Variants in CCDC33 observed in about 807,000 individuals in gnomAD.
CCDC33 encodes the protein coiled-coil domain containing 33.
CCDC33 carries 94 observed loss-of-function variants against 91.9 expected under a neutral mutation model. That is an observed-to-expected ratio of 1.02 (90% CI 0.87 to 1.21). CCDC33 has a LOEUF of 1.21. Among genes scored for constraint, CCDC33 ranks in the 50% most tolerant of loss-of-function variants. CCDC33 has a pLI of 0.00. For synonymous variants in CCDC33, 396 were observed against 374.5 expected (o/e 1.06, Z -0.66); for missense variants, 940 against 935.5 (o/e 1.00, Z -0.06).
At chr15:74,220,267 G>T (rs528986770) in intron 2 of CCDC33, among the ~76,000 whole-genome samples, 15 of 152,170 alleles carry the variant, frequency 9.9e-5, no homozygotes, top group Non-Finnish European at 1.9e-4. Flanking sequence ...TGTTGACATG[G>T]CCCACTATGG....
At chr15:74,260,788 G>A (rs1475264737) in intron 2 of CCDC33, among the ~76,000 whole-genome samples, 1 of 152,200 alleles carries the variant, frequency 6.6e-6, no homozygotes, top group Non-Finnish European at 1.5e-5. Context: ...TCACGCCACG[G>A]CAAAGGGGCT....
chr15:74,299,449 G>A (rs925576781), intron 11 of CCDC33: 2 of 152,304 alleles, frequency 1.3e-5, no homozygotes, highest in African/African-American at 4.8e-5. Flanking sequence ...ATGCTTTTTG[G>A]GCAATGGAAT....
At chr15:74,255,456 C>A (rs1223876067) in intron 2 of CCDC33, among the ~76,000 whole-genome samples, 2 of 152,234 alleles carry the variant, frequency 1.3e-5, no homozygotes, top group Non-Finnish European at 2.9e-5. Context: ...CCTACCCCTT[C>A]CCTGTTCCCA....
chr15:74,256,207 A>G (rs2075857361), intron 2 of CCDC33, among the ~76,000 whole-genome samples: 1 of 152,184 alleles, frequency 6.6e-6, no homozygotes, highest in South Asian at 2.1e-4. Context: ...CGCCAGCACT[A>G]GGGTATCGGA....
chr15:74,280,867 C>T (rs992082146), intron 9 of CCDC33, 66 bp downstream of exon 9: 1 of 1,354,096 alleles, frequency 7.4e-7, no homozygotes, highest in Non-Finnish European at 9.6e-7. Flanking sequence ...CTCACCCTGC[C>T]CCACCTCACC....
At chr15:74,256,460 C>A (rs1940257455) in intron 2 of CCDC33, among the ~76,000 whole-genome samples, 2 of 152,158 alleles carry the variant, frequency 1.3e-5, no homozygotes, top group South Asian at 2.1e-4. Context: ...AGTGACCGAA[C>A]CATTGAGAGG....
At chr15:74,230,685 G>A (rs912820738) in intron 2 of CCDC33, among the ~76,000 whole-genome samples, 2 of 152,170 alleles carry the variant, frequency 1.3e-5, no homozygotes, top group African/African-American at 4.8e-5. Context: ...TGGGCCAGAG[G>A]TGCTCCATCT....
Position 74,316,083 on chromosome 15 carries a change from T to A in CCDC33, c.1291-14106T>A, listed in dbSNP as rs978508726. 1.3e-5 allele frequency among the ~76,000 whole-genome samples: 2 copies of A among 151,950 alleles called. No individual in the cohort carries two copies. The highest frequency in any genetic ancestry group is 2.4e-5 in the African/African-American group (1 of 41,388). ...TAATTGTCTTGTGTGTCTCACCCAG[T>A]GATAAGGGGTGGGCAAGGGGCAGGG... On this transcript the variant is annotated intron_variant, in intron 11 of 18. Coordinates refer to ENST00000398814, the MANE Select transcript of CCDC33 (RefSeq NM_025055.5). This position sits in a 1 kb window ranked among gnomAD's most constrained non-coding sequence, Gnocchi z 4.7.
At chr15:74,331,605 C>G (rs2060440797) in intron 15 of CCDC33, among the ~76,000 whole-genome samples, 1 of 152,238 alleles carries the variant, frequency 6.6e-6, no homozygotes, top group African/African-American at 2.4e-5. Context: ...GCAGAGAGGG[C>G]CTTCCCCTGA....
Position 74,262,432 on chromosome 15 carries a change from C to T in CCDC33, c.186-8C>T, listed in dbSNP as rs201488120. On this transcript the variant is annotated splice_region_variant and splice_polypyrimidine_tract_variant and intron_variant, in intron 2 of 18. Transcript: ENST00000398814. Reference sequence around the variant, plus strand: ...CCCTTTGACTCACCCTGCCCCTGCTCTCCCCAGGAAAAGCACATCTGAGGA... The same window carrying T: ...CCCTTTGACTCACCCTGCCCCTGCTTTCCCCAGGAAAAGCACATCTGAGGA... 17 of 1,613,698 alleles carry T rather than the reference C, an allele frequency of 1.1e-5. No homozygotes were observed. The African/African-American group carries it at 1.6e-4, about 15-fold the overall frequency.
chr15:74,277,410 C>T (rs116612890), intron 7 of CCDC33, among the ~76,000 whole-genome samples: 2,972 of 152,290 alleles, frequency 0.02, 95 homozygotes, highest in African/African-American at 0.067. Context: ...AGGCGGTGGG[C>T]GTGGAGGGGC....
At chr15:74,207,597 T>G in intron 1 of CCDC33, 1 of 1,168,308 alleles carries the variant, frequency 8.6e-7, no homozygotes, top group South Asian at 1.4e-5. Context: ...CCCAATAGTT[T>G]ACAATACTCA....
At chr15:74,203,393 G>T (rs2074172151) in intron 1 of CCDC33, among the ~76,000 whole-genome samples, 1 of 152,166 alleles carries the variant, frequency 6.6e-6, no homozygotes, top group Admixed American at 6.5e-5. Context: ...GGGCTCCTCC[G>T]CATTCTCCCT....
At chr15:74,307,555 T>C (rs78108113) in intron 11 of CCDC33, among the ~76,000 whole-genome samples, 1,632 of 152,028 alleles carry the variant, frequency 0.011, 17 homozygotes, top group Middle Eastern at 0.051. Flanking sequence ...CCTGGTGACT[T>C]GGAAGTCAGG....
intron 5 of CCDC33, 36 bp from the exon 6 acceptor site, chr15:74,271,667 A>G: frequency 2.6e-6 from 4 of 1,549,106 alleles, no homozygotes; most frequent in South Asian, 1.1e-5. Context: ...CCAAGGCCAC[A>G]TGGTGTTCAC....
chr15:74,207,533 C>G (rs1055657775), intron 1 of CCDC33, among the ~76,000 whole-genome samples: 5 of 152,184 alleles, frequency 3.3e-5, no homozygotes, highest in African/African-American at 7.2e-5. Context: ...GCCAGAGACC[C>G]CCGTTGCTCT....
intron 10 of CCDC33, among the ~76,000 whole-genome samples, chr15:74,292,910 G>T (rs2059611940): frequency 6.6e-6 from 1 of 152,170 alleles, no homozygotes. Flanking sequence ...TGGGGTAAAG[G>T]CACTGGTCTG....
upstream of CCDC33, among the ~76,000 whole-genome samples, chr15:74,216,193 C>T (rs1206257427): frequency 2.0e-5 from 3 of 152,098 alleles, no homozygotes; most frequent in East Asian, 5.8e-4. Context: ...GCCTCCAGAC[C>T]CACACTGGTT....
chr15:74,272,105 GACA>G, intron 6 of CCDC33, among the ~76,000 whole-genome samples: 1 of 152,156 alleles, frequency 6.6e-6, no homozygotes, highest in East Asian at 1.9e-4. Flanking sequence ...GTGTGGGGAG[GACA>G]ACAAGAGGGG....
Sources: gnomAD v4.1 joint callset for allele counts (sites outside exome capture counted in the v4.1 genomes callset) on GRCh38, gnomAD v4.1.1 for gene constraint, Gnocchi (gnomAD v3.1) non-coding constraint, MANE v1.5 for transcripts, NCBI Gene and HGNC (gene_info 2026-07-23, HGNC 2026-07-21) for gene names.